CEP85L: variants seen among roughly 807,000 people sequenced by gnomAD.
CEP85L encodes the protein centrosomal protein of 85 kDa-like.
CEP85L carries 60 observed loss-of-function variants against 100.3 expected under a neutral mutation model. The ratio of observed to expected loss-of-function variants is 0.60; its 90% confidence interval spans 0.49 to 0.74. The LOEUF (loss-of-function observed/expected upper bound fraction) is 0.74, where lower values mean the gene tolerates loss of function less well. Ranked by LOEUF, CEP85L falls within the 30% of genes least tolerant of loss-of-function variation. The probability of loss-of-function intolerance (pLI) is 0.00; values close to 1 mark genes in which losing one functional copy is unlikely to be tolerated. For missense variants in CEP85L, 973 were observed against 936.2 expected, an observed-to-expected ratio of 1.04 and a Z score of -0.51; for synonymous variants, 319 against 322.7, an observed-to-expected ratio of 0.99 and a Z score of 0.12.
At chr6:118,500,861 G>A in intron 5 of CEP85L, among the ~76,000 whole-genome samples, 1 of 152,160 alleles carries the variant, frequency 6.6e-6, no homozygotes, top group East Asian at 1.9e-4. Context: ...ACTTCTTCTT[G>A]TTTGGATAAA....
Position 118,510,960 on chromosome 6 carries a change from A to T in CEP85L, c.1257+338T>A, listed in dbSNP as rs537734941. Among the ~76,000 whole-genome samples, 20 of 152,002 alleles carry T rather than the reference A, an allele frequency of 1.3e-4. No individual in the cohort carries two copies. In the East Asian group the frequency reaches 2.1e-3, roughly 16 times the overall value. The stretch of plus-strand genomic sequence containing the variant: ...TGTTATATAATTGTATATAACATTT[A>T]AAAAAAAGCAAGGTGCCAGATAATG... On this transcript the variant is annotated intron_variant, in intron 5 of 12. Coordinates refer to ENST00000368491, the MANE Select transcript of CEP85L (RefSeq NM_001042475.3).
At chr6:118,507,709 C>T (rs1274743738) in intron 5 of CEP85L, among the ~76,000 whole-genome samples, 2 of 152,124 alleles carry the variant, frequency 1.3e-5, no homozygotes, top group Non-Finnish European at 2.9e-5. Context: ...CTCCATATGC[C>T]ATACACTATG....
chr6:118,689,791 T>C lies in CEP85L; in HGVS notation c.-28+20245A>G, dbSNP rs183815735. Among the ~76,000 whole-genome samples, 219 of 152,308 alleles carry C rather than the reference T, an allele frequency of 1.4e-3. 1 individual carries two copies. The highest frequency in any genetic ancestry group is 2.5e-3 in the Non-Finnish European group (168 of 68,022). On this transcript the variant is annotated intron_variant, in intron 1 of 13. Transcript: ENST00000368488. ...AATAAAAAGAGATGAATTGCAATAG[T>C]GATGCATTCTTGCCTCTTCACAACA... is the stretch of plus-strand genomic sequence containing the variant.
intron 5 of CEP85L, among the ~76,000 whole-genome samples, chr6:118,500,640 T>G (rs1254277442): frequency 6.6e-6 from 1 of 152,134 alleles, no homozygotes; most frequent in African/African-American, 2.4e-5. Flanking sequence ...CCAATTATAC[T>G]CTTTTGTCTT....
intron 1 of CEP85L, among the ~76,000 whole-genome samples, chr6:118,703,756 TG>T (rs1431044588): frequency 2.0e-5 from 3 of 152,098 alleles, no homozygotes; most frequent in Admixed American, 6.6e-5. Flanking sequence ...GGGTGAGGGT[TG>T]TGTGGGGAAA....
In CEP85L at chr6:118,464,664, G is replaced by A. The variant is rs1242463343; in HGVS notation, c.*741C>T. 6.6e-6 allele frequency: 1 copy of A among 151,972 alleles called. No individual in the cohort carries two copies. The highest frequency in any genetic ancestry group is 1.5e-5 in the Non-Finnish European group (1 of 67,964). 9.4% of individuals were successfully genotyped at this position (151,972 alleles called of 1,614,324 possible). ...ACATGTTAAAATTAGTTCAAGTTAT[G>A]TTAACCTTTCTTGTAACACATACAT... On this transcript the variant is annotated 3_prime_UTR_variant, in exon 13 of 13. Transcript: ENST00000368491.
At chr6:118,500,349 G>A (rs139955620) in intron 5 of CEP85L, among the ~76,000 whole-genome samples, 30 of 121,310 alleles carry the variant, frequency 2.5e-4, no homozygotes, top group Admixed American at 7.0e-4. Flanking sequence ...TATCATGAAC[G>A]CAGGACGTGG....
intron 1 of CEP85L, among the ~76,000 whole-genome samples, chr6:118,683,134 G>A (rs1776722866): frequency 6.6e-6 from 1 of 152,272 alleles, no homozygotes; most frequent in Non-Finnish European, 1.5e-5. Flanking sequence ...AATCACAAAG[G>A]TGTGTATTTT....
chr6:118,610,359 A>G (rs1772526039), intron 2 of CEP85L, among the ~76,000 whole-genome samples: 1 of 152,182 alleles, frequency 6.6e-6, no homozygotes, highest in Non-Finnish European at 1.5e-5. Context: ...CTGCCACCAT[A>G]GTAGTATCCA....
chr6:118,476,168 A>C (rs887083269), intron 10 of CEP85L, among the ~76,000 whole-genome samples: 1 of 152,136 alleles, frequency 6.6e-6, no homozygotes, highest in African/African-American at 2.4e-5. Flanking sequence ...AGTTAAATCC[A>C]CCTTTTACAC....
chr6:118,652,661 G>A, upstream of CEP85L: 3 of 1,529,074 alleles, frequency 2.0e-6, no homozygotes, highest in South Asian at 1.2e-5. Flanking sequence ...AAAATTCTTG[G>A]AAGTTAAATT....
intron 2 of CEP85L, among the ~76,000 whole-genome samples, chr6:118,626,425 C>T (rs116401489): frequency 2.7e-3 from 414 of 152,212 alleles, no homozygotes; most frequent in African/African-American, 9.6e-3. Flanking sequence ...GAACATAGTT[C>T]GTTAAGTTCT....
chr6:118,565,381 T>A (rs1779439912), intron 3 of CEP85L, 148 bp downstream of exon 3: 9 of 746,942 alleles, frequency 1.2e-5, no homozygotes, highest in Middle Eastern at 2.5e-4. Flanking sequence ...AACAACACTT[T>A]TCGGTTTGTA....
chr6:118,544,590 T>A (rs1778089437), intron 3 of CEP85L, among the ~76,000 whole-genome samples: 1 of 152,296 alleles, frequency 6.6e-6, no homozygotes, highest in South Asian at 2.1e-4. Flanking sequence ...CCTATATGAG[T>A]CCTTTTCTTA....
At chr6:118,626,013 C>G (rs186945861) in intron 2 of CEP85L, among the ~76,000 whole-genome samples, 1 of 152,268 alleles carries the variant, frequency 6.6e-6, no homozygotes, top group African/African-American at 2.4e-5. Context: ...AACAGCAGGG[C>G]CCCATCGTCG....
At chr6:118,664,123 T>G (rs1776061278) in intron 1 of CEP85L, among the ~76,000 whole-genome samples, 1 of 152,082 alleles carries the variant, frequency 6.6e-6, no homozygotes, top group Non-Finnish European at 1.5e-5. Context: ...CTCAAACGCC[T>G]GAGCTCAAGC....
chr6:118,505,863 G>A (rs1208388285), intron 5 of CEP85L, among the ~76,000 whole-genome samples: 2 of 152,114 alleles, frequency 1.3e-5, no homozygotes, highest in African/African-American at 2.4e-5. Context: ...CACCAGGAGT[G>A]ATCCTAATAT....
chr6:118,479,105 T>C (rs1266261134), intron 10 of CEP85L, among the ~76,000 whole-genome samples: 4 of 152,174 alleles, frequency 2.6e-5, no homozygotes, highest in Non-Finnish European at 4.4e-5. Context: ...TAATGGCTTA[T>C]GGAACAGCTG....
intron 3 of CEP85L, chr6:118,538,065 A>T (rs1398163822): frequency 2.3e-6 from 1 of 434,670 alleles, no homozygotes; most frequent in East Asian, 1.6e-4. Context: ...GTTATTACTA[A>T]AAGAACTGTG....
Sources: allele counts gnomAD v4.1 joint callset (sites outside exome capture counted in the v4.1 genomes callset), GRCh38; gene constraint gnomAD v4.1.1; transcripts MANE v1.5; gene names NCBI Gene and HGNC (gene_info 2026-07-23, HGNC 2026-07-21).